Variants in LRRC53 observed in about 807,000 individuals in gnomAD.
LRRC53 encodes leucine rich repeat containing 53.
Under a neutral mutation model 13.6 loss-of-function variants are expected in LRRC53, and 25 were observed. The ratio of observed to expected loss-of-function variants is 1.83; its 90% CI spans 1.34 to 2.56. LRRC53 has a LOEUF of 2.56. Ranked by LOEUF, LRRC53 falls within the 30% of genes most tolerant of loss-of-function variation. LRRC53 has a pLI of 0.00. For synonymous variants in LRRC53, 204 were observed against 109.8 expected (o/e 1.86, Z -5.37); for missense variants, 527 against 275.8 (o/e 1.91, Z -6.45).
intron 1 of LRRC53, among the ~76,000 whole-genome samples, chr1:74,501,103 T>A (rs1303642795): frequency 6.6e-6 from 1 of 152,182 alleles, no homozygotes; most frequent in Non-Finnish European, 1.5e-5. Context: ...TAGTTGGATA[T>A]TTTTTAAAGT....
At chr1:74,511,047 C>T (rs145886411) in intron 1 of LRRC53, among the ~76,000 whole-genome samples, 13 of 152,214 alleles carry the variant, frequency 8.5e-5, no homozygotes, top group African/African-American at 3.1e-4. Flanking sequence ...GCCACCATGC[C>T]CAGCTAATGT....
At chr1:74,521,485 AC>A in the LRRC53 span, among the ~76,000 whole-genome samples, 6 of 121,258 alleles carry the variant, frequency 4.9e-5, no homozygotes, top group South Asian at 7.5e-4. Context: ...ACACACACAC[AC>A]ATGTAAACGC....
At chr1:74,512,951 C>T (rs1262859935), upstream of LRRC53, among the ~76,000 whole-genome samples, 2 of 152,194 alleles carry the variant, frequency 1.3e-5, no homozygotes, top group South Asian at 2.1e-4. Context: ...GTAAATGGCT[C>T]ACCGTGGAAA....
chr1:74,510,993 T>C (rs1470977036), intron 1 of LRRC53, among the ~76,000 whole-genome samples: 1 of 152,086 alleles, frequency 6.6e-6, no homozygotes, highest in Non-Finnish European at 1.5e-5. Flanking sequence ...GTTCAAGTGA[T>C]TCTCCTGCCT....
intron 1 of LRRC53, among the ~76,000 whole-genome samples, chr1:74,487,850 G>C (rs1668847227): frequency 6.6e-6 from 1 of 152,142 alleles, no homozygotes; most frequent in Admixed American, 6.6e-5. Flanking sequence ...GTTGGAGTCA[G>C]GTTTCTAGAG....
chr1:74,493,903 T>C (rs1251980097), intron 1 of LRRC53, among the ~76,000 whole-genome samples: 1 of 152,178 alleles, frequency 6.6e-6, no homozygotes, highest in Non-Finnish European at 1.5e-5. Flanking sequence ...AAAATATACT[T>C]GATTTTTAGT....
At chr1:74,518,509 T>C in the LRRC53 span, among the ~76,000 whole-genome samples, 1 of 152,152 alleles carries the variant, frequency 6.6e-6, no homozygotes, top group Non-Finnish European at 1.5e-5. Context: ...CACCTCAATA[T>C]GCCTTCTTTT....
At chr1:74,497,895 A>G (rs1414549681) in intron 1 of LRRC53, among the ~76,000 whole-genome samples, 1 of 152,172 alleles carries the variant, frequency 6.6e-6, no homozygotes, top group Non-Finnish European at 1.5e-5. Context: ...CGTTTTCATC[A>G]TACGTTCCAG....
At chr1:74,504,945 C>G (rs1188755707) in intron 1 of LRRC53, among the ~76,000 whole-genome samples, 1 of 152,054 alleles carries the variant, frequency 6.6e-6, no homozygotes, top group African/African-American at 2.4e-5. Context: ...GAAGATTCGC[C>G]GGAGGCAAAC....
chr1:74,522,986 G>C, the LRRC53 span, among the ~76,000 whole-genome samples: 1 of 152,124 alleles, frequency 6.6e-6, no homozygotes, highest in East Asian at 1.9e-4. Context: ...CTAATGAGAG[G>C]GGAAACCCCA....
upstream of LRRC53, among the ~76,000 whole-genome samples, chr1:74,515,681 C>A (rs1047760307): frequency 1.3e-5 from 2 of 152,070 alleles, no homozygotes; most frequent in East Asian, 3.9e-4. Flanking sequence ...TGGGCAGACA[C>A]AACAGGTGAG....
chr1:74,517,270 G>T (rs1189952613), upstream of LRRC53, among the ~76,000 whole-genome samples: 1 of 152,140 alleles, frequency 6.6e-6, no homozygotes, highest in Non-Finnish European at 1.5e-5. Context: ...ATTCTGTCAG[G>T]TCAGATAGTA....
intron 1 of LRRC53, among the ~76,000 whole-genome samples, chr1:74,491,101 T>C (rs1215801849): frequency 6.6e-6 from 1 of 152,234 alleles, no homozygotes; most frequent in Non-Finnish European, 1.5e-5. Context: ...ATACACATTT[T>C]AGAAGAGAGA....
the LRRC53 span, among the ~76,000 whole-genome samples, chr1:74,526,795 C>T: frequency 2.0e-5 from 3 of 152,124 alleles, no homozygotes; most frequent in East Asian, 1.9e-4. Flanking sequence ...GAGAGCAACA[C>T]GTATAGGACT....
chr1:74,477,678 C>G (rs1469496170), intron 3 of LRRC53, among the ~76,000 whole-genome samples: 1 of 152,194 alleles, frequency 6.6e-6, no homozygotes, highest in Non-Finnish European at 1.5e-5. Context: ...CTCCCCTGCT[C>G]TTGATACTAG....
At chr1:74,478,968 C>T (rs1370908370) in intron 3 of LRRC53, among the ~76,000 whole-genome samples, 2 of 152,188 alleles carry the variant, frequency 1.3e-5, no homozygotes, top group Non-Finnish European at 2.9e-5. Flanking sequence ...TGGATTACTG[C>T]TGATGGTAGT....
intron 1 of LRRC53, among the ~76,000 whole-genome samples, chr1:74,509,747 CTTTTTTTTTTTTTT>C (rs68193106): frequency 1.0e-4 from 5 of 47,812 alleles, no homozygotes; most frequent in Middle Eastern, 0.024. Context: ...ATCTGAATTT[CTTTTTTTTTTTTTT>C]TTTTTTTTTT....
intron 1 of LRRC53, among the ~76,000 whole-genome samples, chr1:74,506,789 T>C (rs2100362401): frequency 6.6e-6 from 1 of 152,332 alleles, no homozygotes; most frequent in Non-Finnish European, 1.5e-5. Context: ...CTTATCTCTT[T>C]CTAGATTTTT....
chr1:74,496,057 A>G (rs1669310299), intron 1 of LRRC53, among the ~76,000 whole-genome samples: 1 of 152,200 alleles, frequency 6.6e-6, no homozygotes, highest in African/African-American at 2.4e-5. Flanking sequence ...GGAAGCTTTT[A>G]CAAGTACCAG....
Sources: gnomAD v4.1 joint callset for allele counts (sites outside exome capture counted in the v4.1 genomes callset) on GRCh38, gnomAD v4.1.1 for gene constraint, MANE v1.5 for transcripts, NCBI Gene and HGNC (gene_info 2026-07-23, HGNC 2026-07-21) for gene names.